Variants in CACNA1A observed in about 807,000 individuals in gnomAD.
CACNA1A encodes the protein voltage-dependent P/Q-type calcium channel subunit alpha-1A.
In CACNA1A, 57 loss-of-function variants were observed where a neutral mutation model predicts 262.4. The ratio of observed to expected loss-of-function variants is 0.22; its 90% CI spans 0.18 to 0.27. The LOEUF is 0.27. Among genes scored for constraint, CACNA1A ranks in the 10% least tolerant of loss-of-function variants. The probability of loss-of-function intolerance (pLI) is 1.00; values close to 1 mark genes in which losing one functional copy is unlikely to be tolerated. For synonymous variants in CACNA1A, 1,431 were observed against 1,419.3 expected (o/e 1.01, Z -0.18); for missense variants, 2,526 against 3,562.8 (o/e 0.71, Z 7.41).
chr19:13,216,213 C>T (rs2055005529), intron 38 of CACNA1A, among the ~76,000 whole-genome samples: 1 of 152,172 alleles, frequency 6.6e-6, no homozygotes, highest in Admixed American at 6.5e-5. Flanking sequence ...GTTTCCTGGC[C>T]CTCCTACCTG....
chr19:13,218,062 C>T (rs1440382904), intron 38 of CACNA1A, among the ~76,000 whole-genome samples: 1 of 151,488 alleles, frequency 6.6e-6, no homozygotes, highest in Non-Finnish European at 1.5e-5. Context: ...AGGCATGAGT[C>T]ACTGTACCCG....
At chr19:13,213,912 C>T in intron 40 of CACNA1A, 1 of 286,374 alleles carries the variant, frequency 3.5e-6, no homozygotes, top group Non-Finnish European at 6.7e-6. Flanking sequence ...TCTCCCACTC[C>T]TGGCCTCAAG....
At chr19:13,331,848 C>T (rs567704806) in intron 9 of CACNA1A, among the ~76,000 whole-genome samples, 39 of 151,702 alleles carry the variant, frequency 2.6e-4, no homozygotes, top group African/African-American at 8.2e-4. Flanking sequence ...TTTGTAGAGA[C>T]GGAACCTCAT....
intron 28 of CACNA1A, 58 bp from the exon 29 acceptor site, chr19:13,255,317 C>T (rs2144735615): frequency 6.8e-7 from 1 of 1,477,990 alleles, no homozygotes; most frequent in South Asian, 1.3e-5. Context: ...TGGCTGTACA[C>T]CGGGCACCCT....
At chr19:13,246,858 CGTT>C (rs1477291802) in intron 30 of CACNA1A, among the ~76,000 whole-genome samples, 1 of 151,892 alleles carries the variant, frequency 6.6e-6, no homozygotes, top group Non-Finnish European at 1.5e-5. Flanking sequence ...GATCTCCTGA[CGTT>C]GTGATCCATC....
chr19:13,373,422 G>A (rs2059356776), intron 3 of CACNA1A, among the ~76,000 whole-genome samples: 1 of 152,200 alleles, frequency 6.6e-6, no homozygotes, highest in Non-Finnish European at 1.5e-5. Flanking sequence ...CAAATCTGGG[G>A]CAGGCCCAGG....
chr19:13,299,170 C>T lies in CACNA1A; in HGVS notation c.2463G>A (p.Arg821=), dbSNP rs780637147. The T allele has an allele frequency of 5.6e-6, 9 of 1,613,030 alleles. No homozygotes were observed. The highest frequency in any genetic ancestry group is 6.8e-6 in the Non-Finnish European group (8 of 1,179,896). Residue 821 remains arginine, a synonymous_variant, in exon 19 of 47, where the codon CGG becomes CGA. Transcript: ENST00000360228. ...LRPDMKTHLD[R]PLVVDPQENR... The stretch of plus-strand genomic sequence containing the variant: ...TCTCCTGCGGGTCCACCACCAGCGG[C>T]CGGTCCAAGTGCGTCTTCATGTCTG...
intron 34 of CACNA1A, among the ~76,000 whole-genome samples, chr19:13,234,330 A>G (rs1465908204): frequency 6.9e-6 from 1 of 144,234 alleles, no homozygotes; most frequent in Non-Finnish European, 1.5e-5. Flanking sequence ...AGCCTGGGGA[A>G]CAGAGCGAGA....
intron 3 of CACNA1A, among the ~76,000 whole-genome samples, chr19:13,383,077 T>C (rs946963911): frequency 6.6e-6 from 1 of 152,218 alleles, no homozygotes; most frequent in African/African-American, 2.4e-5. Flanking sequence ...AGAATGGCTC[T>C]GGTTCTGAAA....
chr19:13,350,645 G>A (rs1036828742), intron 6 of CACNA1A, among the ~76,000 whole-genome samples: 6 of 152,008 alleles, frequency 3.9e-5, no homozygotes, highest in South Asian at 2.1e-4. Context: ...CCAACCCATC[G>A]CTGGGACTTG....
chr19:13,279,891 C>G (rs1409414881), intron 22 of CACNA1A, among the ~76,000 whole-genome samples: 6 of 152,046 alleles, frequency 3.9e-5, no homozygotes, highest in Non-Finnish European at 7.4e-5. Flanking sequence ...TCACTGCAAC[C>G]TCCACCTCCT....
chr19:13,308,665 C>T lies in CACNA1A; in HGVS notation c.1669-137G>A. On this transcript the variant is annotated intron_variant, in intron 12 of 46. Coordinates refer to ENST00000360228, the MANE Select transcript of CACNA1A (RefSeq NM_001127222.2). This position sits in a 1 kb window ranked among gnomAD's most constrained non-coding sequence, Gnocchi z 4.2. ...ATGGAAGCCGGGTGAGGATCCTTGA[C>T]CCCCTCATTCATCCATTCATTTATC... is the stretch of plus-strand genomic sequence containing the variant. 1 of 590,230 alleles carries T rather than the reference C, an allele frequency of 1.7e-6. No individual in the cohort carries two copies. The highest frequency in any genetic ancestry group is 3.0e-6 in the Non-Finnish European group (1 of 332,604). The allele number at this position is 590,230 out of a possible 1,614,324, so 36.6% of individuals were successfully genotyped here.
At chr19:13,396,486 G>A (rs1288611763) in intron 3 of CACNA1A, among the ~76,000 whole-genome samples, 1 of 152,202 alleles carries the variant, frequency 6.6e-6, no homozygotes, top group East Asian at 1.9e-4. Flanking sequence ...TGGGATGATG[G>A]AAATGTTCTA....
chr19:13,233,375 GT>G (rs2055741390), intron 34 of CACNA1A, among the ~76,000 whole-genome samples: 1 of 152,154 alleles, frequency 6.6e-6, no homozygotes, highest in African/African-American at 2.4e-5. Context: ...ACAGCATGAA[GT>G]TTATCAATTT....
At chr19:13,477,265 C>T (rs1044314948) in intron 1 of CACNA1A, among the ~76,000 whole-genome samples, 7 of 152,242 alleles carry the variant, frequency 4.6e-5, no homozygotes, top group African/African-American at 1.4e-4. Flanking sequence ...ACTGCCTCCC[C>T]AGCCCTTTCT....
At chr19:13,503,090 T>G (rs1982579299) in intron 1 of CACNA1A, among the ~76,000 whole-genome samples, 1 of 152,068 alleles carries the variant, frequency 6.6e-6, no homozygotes, top group South Asian at 2.1e-4. Flanking sequence ...ACAAGAATGT[T>G]CCCAGTGGCA....
intron 3 of CACNA1A, among the ~76,000 whole-genome samples, chr19:13,434,697 G>A (rs1406702852): frequency 6.6e-6 from 1 of 152,146 alleles, no homozygotes; most frequent in Non-Finnish European, 1.5e-5. Flanking sequence ...CTGAGCAGAT[G>A]CTGCCATGCT....
At chr19:13,505,490 T>C (rs1982909347) in intron 1 of CACNA1A, among the ~76,000 whole-genome samples, 1 of 152,032 alleles carries the variant, frequency 6.6e-6, no homozygotes, top group Non-Finnish European at 1.5e-5. Context: ...TGGACTCCAG[T>C]GAGCGACGGC....
chr19:13,428,306 T>C (rs2060442600), intron 3 of CACNA1A, among the ~76,000 whole-genome samples: 1 of 152,224 alleles, frequency 6.6e-6, no homozygotes, highest in Non-Finnish European at 1.5e-5. Context: ...TGCTAGTTGT[T>C]ATTCTCATCA....
Sources: allele counts gnomAD v4.1 joint callset (sites outside exome capture counted in the v4.1 genomes callset), GRCh38; gene constraint gnomAD v4.1.1; non-coding constraint Gnocchi (gnomAD v3.1); transcripts MANE v1.5; gene names NCBI Gene and HGNC (gene_info 2026-07-23, HGNC 2026-07-21).